Variants in NBAS observed in about 807,000 individuals in gnomAD.
NBAS encodes the protein NAG/BC035112 fusion.
NBAS carries 219 observed loss-of-function variants against 302.5 expected under a neutral mutation model. That is an observed-to-expected ratio of 0.72 (90% CI 0.65 to 0.81). The LOEUF is 0.81. Ranked by LOEUF, NBAS falls within the 30% of genes least tolerant of loss-of-function variation. The probability of loss-of-function intolerance (pLI) is 0.00; values close to 1 mark genes in which losing one functional copy is unlikely to be tolerated. For missense variants in NBAS, 2,932 were observed against 2,841.6 expected, an observed-to-expected ratio of 1.03 and a Z score of -0.72; for synonymous variants, 1,118 against 1,021.6, an observed-to-expected ratio of 1.09 and a Z score of -1.80.
the NBAS span, among the ~76,000 whole-genome samples, chr2:14,940,638 A>C: frequency 6.6e-6 from 1 of 152,000 alleles, no homozygotes; most frequent in African/African-American, 2.4e-5. Context: ...CTTCTACCTA[A>C]ATCTCTTCTT....
At chr2:14,906,843 C>T in the NBAS span, among the ~76,000 whole-genome samples, 1 of 152,136 alleles carries the variant, frequency 6.6e-6, no homozygotes. Context: ...AAGACAAAGT[C>T]GAGGGTGCCC....
chr2:15,468,179 C>G (rs543461216), intron 17 of NBAS, among the ~76,000 whole-genome samples: 1 of 152,248 alleles, frequency 6.6e-6, no homozygotes, highest in South Asian at 2.1e-4. Context: ...ATTTACTTCT[C>G]AGATATACTC....
intron 50 of NBAS, among the ~76,000 whole-genome samples, chr2:15,185,071 T>A (rs947119892): frequency 2.6e-5 from 4 of 152,206 alleles, no homozygotes; most frequent in African/African-American, 9.6e-5. Flanking sequence ...CCAAAGGTAG[T>A]AGGAATGGCT....
At chr2:15,293,717 T>C (rs2148115923) in intron 40 of NBAS, among the ~76,000 whole-genome samples, 1 of 152,290 alleles carries the variant, frequency 6.6e-6, no homozygotes, top group African/African-American at 2.4e-5. Context: ...CTGTCAGCAT[T>C]TCTAATGTGT....
chr2:15,427,580 C>T (rs1677541587), intron 22 of NBAS, 131 bp downstream of exon 22: 1 of 755,814 alleles, frequency 1.3e-6, no homozygotes, highest in Admixed American at 2.5e-5. Context: ...GAGTTTAAAA[C>T]TTCACTCAAA....
At chr2:15,141,017 A>G in the NBAS span, among the ~76,000 whole-genome samples, 55 of 152,266 alleles carry the variant, frequency 3.6e-4, no homozygotes, top group African/African-American at 1.3e-3. Context: ...ATAAATGTAC[A>G]CTATTATTCT....
At chr2:15,244,269 T>C (rs1667989024) in intron 44 of NBAS, among the ~76,000 whole-genome samples, 1 of 152,096 alleles carries the variant, frequency 6.6e-6, no homozygotes, top group Non-Finnish European at 1.5e-5. Context: ...CCTGTGACTG[T>C]TTAAAACTTA....
At chr2:14,846,701 A>C in the NBAS span, among the ~76,000 whole-genome samples, 1 of 152,116 alleles carries the variant, frequency 6.6e-6, no homozygotes, top group Non-Finnish European at 1.5e-5. Flanking sequence ...AGTTTTTATT[A>C]GTTTTCTTTT....
At chr2:15,217,801 G>A (rs1370005553) in intron 48 of NBAS, among the ~76,000 whole-genome samples, 1 of 152,176 alleles carries the variant, frequency 6.6e-6, no homozygotes, top group African/African-American at 2.4e-5. Context: ...TATGTGCACA[G>A]GATACTTAGA....
Position 15,396,480 on chromosome 2 carries a change from T to C in NBAS, c.3072-5A>G, listed in dbSNP as rs1675871794. On this transcript the variant is annotated splice_polypyrimidine_tract_variant and splice_region_variant and intron_variant, in intron 26 of 51. Coordinates refer to ENST00000281513, the MANE Select transcript of NBAS (RefSeq NM_015909.4). ...GTGGTTGCCTCTGTCTTATCACTAA[T>C]AAATTAAAAGAAGAAAAAAAAAAGC... 1.3e-6 allele frequency: 2 copies of C among 1,562,472 alleles called. No homozygotes were observed. Among genetic ancestry groups the C allele is most frequent in the Admixed American group, 2.0e-5 (1 of 51,024 alleles).
intron 9 of NBAS, among the ~76,000 whole-genome samples, chr2:15,523,141 C>T (rs940554731): frequency 3.3e-5 from 5 of 152,150 alleles, no homozygotes; most frequent in South Asian, 2.1e-4. Context: ...AGTGACACTT[C>T]GTATGGGTCC....
At chr2:15,046,459 C>T in the NBAS span, among the ~76,000 whole-genome samples, 2 of 152,074 alleles carry the variant, frequency 1.3e-5, no homozygotes, top group Admixed American at 1.3e-4. Context: ...CACTTAGACC[C>T]AACAAACACA....
chr2:14,993,752 C>T, the NBAS span, among the ~76,000 whole-genome samples: 3 of 152,110 alleles, frequency 2.0e-5, no homozygotes, highest in South Asian at 4.1e-4. Context: ...TTTGTCTTTC[C>T]AATAGCTTGA....
At chr2:15,511,073 T>C in intron 10 of NBAS, 139 bp downstream of exon 10, 1 of 1,067,144 alleles carries the variant, frequency 9.4e-7, no homozygotes, top group Non-Finnish European at 1.4e-6. Flanking sequence ...GAAATAAAAT[T>C]ATACCAGCAT....
intron 48 of NBAS, among the ~76,000 whole-genome samples, chr2:15,208,485 G>C (rs1268948428): frequency 2.0e-5 from 3 of 152,194 alleles, no homozygotes; most frequent in East Asian, 1.9e-4. Flanking sequence ...TTTCAGCATC[G>C]GACAGATTGC....
At chr2:15,329,277 T>C (rs1404322247) in intron 36 of NBAS, among the ~76,000 whole-genome samples, 1 of 152,200 alleles carries the variant, frequency 6.6e-6, no homozygotes, top group Non-Finnish European at 1.5e-5. Flanking sequence ...AGCGTCTCAC[T>C]AAACGGCATC....
At chr2:15,093,636 C>A in the NBAS span, among the ~76,000 whole-genome samples, 2 of 152,114 alleles carry the variant, frequency 1.3e-5, no homozygotes, top group East Asian at 1.9e-4. Context: ...CTATAAGGAA[C>A]TTTATCAGTG....
intron 50 of NBAS, among the ~76,000 whole-genome samples, chr2:15,182,894 A>AT (rs1190852986): frequency 6.6e-6 from 1 of 152,182 alleles, no homozygotes; most frequent in African/African-American, 2.4e-5. Flanking sequence ...GGAGTCGTGA[A>AT]TTTTTTTAAA....
chr2:15,348,103 G>A (rs536300332), intron 35 of NBAS, among the ~76,000 whole-genome samples: 2 of 152,158 alleles, frequency 1.3e-5, no homozygotes, highest in South Asian at 2.1e-4. Context: ...TGTAACACAC[G>A]GCATCTTATA....
Sources: allele counts gnomAD v4.1 joint callset (sites outside exome capture counted in the v4.1 genomes callset), GRCh38; gene constraint gnomAD v4.1.1; transcripts MANE v1.5; gene names NCBI Gene and HGNC (gene_info 2026-07-23, HGNC 2026-07-21).